Variants in CDH4 observed in about 807,000 individuals in gnomAD.
CDH4 encodes cadherin-4.
A neutral mutation model predicts 86.0 loss-of-function variants in CDH4; 33 were observed. The observed-to-expected ratio is 0.38, with a 90% CI of 0.29 to 0.51. The LOEUF (loss-of-function observed/expected upper bound fraction) is 0.51. Among genes scored for constraint, CDH4 ranks in the 20% least tolerant of loss-of-function variants. The probability of loss-of-function intolerance (pLI) is 0.86; values close to 1 mark genes in which losing one functional copy is unlikely to be tolerated. For missense variants in CDH4, 1,114 were observed against 1,307.4 expected, an observed-to-expected ratio of 0.85 and a Z score of 2.28; for synonymous variants, 555 against 549.4, an observed-to-expected ratio of 1.01 and a Z score of -0.14.
At chr20:61,423,124 C>T (rs1231174535) in intron 2 of CDH4, among the ~76,000 whole-genome samples, 1 of 152,114 alleles carries the variant, frequency 6.6e-6, no homozygotes, top group African/African-American at 2.4e-5. Context: ...GGGCAGAGAG[C>T]TGGGGAGGGA....
intron 6 of CDH4, among the ~76,000 whole-genome samples, chr20:61,859,381 C>T (rs1032282931): frequency 3.3e-5 from 5 of 152,140 alleles, no homozygotes; most frequent in Admixed American, 6.6e-5. Flanking sequence ...TCTTTGCGAG[C>T]GAAAGTGTTT....
chr20:61,340,897 G>A (rs2084646133), intron 2 of CDH4, among the ~76,000 whole-genome samples: 1 of 152,100 alleles, frequency 6.6e-6, no homozygotes, highest in South Asian at 2.1e-4. Flanking sequence ...GCCCAGTAAG[G>A]GCTACATTAG....
At chr20:61,284,068 G>A (rs1310389489) in intron 2 of CDH4, among the ~76,000 whole-genome samples, 1 of 151,938 alleles carries the variant, frequency 6.6e-6, no homozygotes, top group Admixed American at 6.6e-5. Context: ...GCACTTTGGA[G>A]GACAAGGCGG....
intron 2 of CDH4, among the ~76,000 whole-genome samples, chr20:61,482,404 AGTACATTCAG>A (rs2085572955): frequency 6.6e-6 from 1 of 152,194 alleles, no homozygotes; most frequent in Non-Finnish European, 1.5e-5. Context: ...GGCTTCATTT[AGTACATTCAG>A]GTGCCAGGAA....
At chr20:61,642,642 C>G (rs1007504916) in intron 2 of CDH4, among the ~76,000 whole-genome samples, 3 of 152,162 alleles carry the variant, frequency 2.0e-5, no homozygotes, top group African/African-American at 7.2e-5. Flanking sequence ...CTTTTGTTTC[C>G]TATTGTGCTG....
chr20:61,926,394 C>T (rs762556458), intron 11 of CDH4, among the ~76,000 whole-genome samples: 14 of 152,324 alleles, frequency 9.2e-5, no homozygotes, highest in South Asian at 4.1e-4. Flanking sequence ...GAAGACAGGA[C>T]GTGGACACCC....
At chr20:61,745,864 TATA>T (rs2088407884) in intron 3 of CDH4, among the ~76,000 whole-genome samples, 1 of 152,134 alleles carries the variant, frequency 6.6e-6, no homozygotes, top group Non-Finnish European at 1.5e-5. Context: ...TAATTGAAAA[TATA>T]ATGACACCTT....
chr20:61,884,833 G>C (rs894355919), intron 7 of CDH4, among the ~76,000 whole-genome samples: 3 of 152,180 alleles, frequency 2.0e-5, no homozygotes, highest in Admixed American at 2.0e-4. Flanking sequence ...GCCCTGGGGT[G>C]GGGGCGGGGA....
chr20:61,857,385 G>A (rs889517863), intron 6 of CDH4, among the ~76,000 whole-genome samples: 15 of 152,250 alleles, frequency 9.9e-5, no homozygotes, highest in African/African-American at 2.7e-4. Context: ...TACCACAGAC[G>A]TTTTCCACAA....
intron 2 of CDH4, among the ~76,000 whole-genome samples, chr20:61,320,028 A>C (rs1370582545): frequency 2.6e-5 from 4 of 151,874 alleles, no homozygotes; most frequent in Non-Finnish European, 5.9e-5. Flanking sequence ...TTTGTTGAGC[A>C]CTTGAAATTT....
intron 2 of CDH4, among the ~76,000 whole-genome samples, chr20:61,665,645 G>A (rs12480125): frequency 0.13 from 19,888 of 152,226 alleles, 1,488 homozygotes; most frequent in East Asian, 0.3. Flanking sequence ...TGATGGATGC[G>A]AACGAGTGCT....
Position 61,802,165 on chromosome 20 carries a change from G to GCCCA in CDH4, c.576+28984_576+28987dup, listed in dbSNP as rs1266124769. On this transcript the variant is annotated intron_variant, in intron 4 of 15. Coordinates refer to ENST00000614565, the MANE Select transcript of CDH4 (RefSeq NM_001794.5). ...TCACAGAGCACCTCCTTGGAGCCAGGCCCAGGCAGACCCCTCCTCGGCTTC... is the reference window on the plus strand; with the variant it reads ...TCACAGAGCACCTCCTTGGAGCCAGGCCCACCCAGGCAGACCCCTCCTCGGCTTC... Among the ~76,000 whole-genome samples, 3 of 152,314 alleles carry GCCCA rather than the reference G, an allele frequency of 2.0e-5. No homozygotes were observed. The East Asian group carries it at 5.8e-4, about 29-fold the overall frequency.
At chr20:61,833,395 A>C (rs916770354) in intron 4 of CDH4, among the ~76,000 whole-genome samples, 3 of 152,116 alleles carry the variant, frequency 2.0e-5, no homozygotes, top group African/African-American at 7.2e-5. Flanking sequence ...CTGTGTGTCT[A>C]CTAGTATGCA....
chr20:61,652,941 T>TTTTTTTTA lies in CDH4; in HGVS notation c.170-90615_170-90614insATTTTTTT, dbSNP rs1555819726. Reference sequence around the variant, plus strand: ...GAATTTATTTATTTATTTATTTATTTTTTTTTTTTTTTTTATTGATCATTC... The same window carrying TTTTTTTTA: ...GAATTTATTTATTTATTTATTTATTTTTTTTTTATTTTTTTTTTTTTTATTGATCATTC... On this transcript the variant is annotated intron_variant, in intron 2 of 15. Coordinates refer to ENST00000614565, the MANE Select transcript of CDH4 (RefSeq NM_001794.5). Among the ~76,000 whole-genome samples, 772 of 115,898 alleles carry TTTTTTTTA rather than the reference T, an allele frequency of 6.7e-3. 16 individuals carry two copies. Among genetic ancestry groups the TTTTTTTTA allele is most frequent in the African/African-American group, 0.021 (724 of 33,972 alleles). The allele number at this position is 115,898 out of a possible 152,430, so 76.0% of individuals were successfully genotyped here.
chr20:61,712,822 T>C (rs556850039), intron 2 of CDH4, among the ~76,000 whole-genome samples: 65 of 152,292 alleles, frequency 4.3e-4, no homozygotes, highest in African/African-American at 1.5e-3. Context: ...CCCCATGCCC[T>C]GGGCCCATGC....
intron 8 of CDH4, among the ~76,000 whole-genome samples, chr20:61,903,540 TAAAA>T (rs60370683): frequency 1.2e-4 from 11 of 90,884 alleles, no homozygotes; most frequent in African/African-American, 4.3e-4. Context: ...AGAGACTCCA[TAAAA>T]AAAAAAAAAA....
At chr20:61,463,749 GGAGA>G (rs993979391) in intron 2 of CDH4, among the ~76,000 whole-genome samples, 3 of 152,208 alleles carry the variant, frequency 2.0e-5, no homozygotes, top group African/African-American at 7.2e-5. Context: ...TTGCAACAGG[GGAGA>G]GAGACTGAAC....
chr20:61,614,155 C>T (rs965459070), intron 2 of CDH4, among the ~76,000 whole-genome samples: 6 of 152,052 alleles, frequency 3.9e-5, no homozygotes, highest in Non-Finnish European at 8.8e-5. Context: ...TGAGTTTATG[C>T]TAATGAAGTG....
chr20:61,565,242 GCGGTGCTCT>G (rs2086272787), intron 2 of CDH4, among the ~76,000 whole-genome samples: 3 of 68,214 alleles, frequency 4.4e-5, no homozygotes, highest in Non-Finnish European at 6.1e-5. Context: ...GGTGGTGGTG[GCGGTGCTCT>G]TGGTGATGGT....
Sources: gnomAD v4.1 joint callset for allele counts (sites outside exome capture counted in the v4.1 genomes callset) on GRCh38, gnomAD v4.1.1 for gene constraint, MANE v1.5 for transcripts, NCBI Gene and HGNC (gene_info 2026-07-23, HGNC 2026-07-21) for gene names.